The following ARL5C variants were observed in gnomAD, a reference collection of about 807,000 sequenced individuals.
ARL5C encodes putative ADP-ribosylation factor-like protein 5C.
In ARL5C, 21 loss-of-function variants were observed where a neutral mutation model predicts 20.8. The observed-to-expected ratio is 1.01, with a 90% CI of 0.72 to 1.46. ARL5C has a LOEUF of 1.46. ARL5C is among the 40% of genes most tolerant of loss of function. ARL5C has a pLI of 0.00. For synonymous variants in ARL5C, 71 were observed against 81.6 expected (o/e 0.87, Z 0.70); for missense variants, 199 against 225.1 (o/e 0.88, Z 0.74).
rs564110743 is a variant in ARL5C, at chr17:39,164,775, C to T, written c.107+304G>A. On this transcript the variant is annotated intron_variant, in intron 2 of 5. Transcript: ENST00000269586. ...CAGGGGTGAGAAAGGAGGGACCTGC[C>T]GCTAGAGGGAGCGAAGAGCAGGGAG... 5.9e-5 allele frequency among the ~76,000 whole-genome samples: 9 copies of T among 152,184 alleles called. No homozygotes were observed. The East Asian group carries it at 1.5e-3, about 26-fold the overall frequency.
intron 2 of ARL5C, 173 bp downstream of exon 2, chr17:39,164,906 A>T: frequency 1.6e-6 from 1 of 629,212 alleles, no homozygotes; most frequent in Non-Finnish European, 2.8e-6. Flanking sequence ...CAGGATTTGA[A>T]TGCCAGACCG....
At chr17:39,165,229 GC>G in intron 1 of ARL5C, 90 bp from the exon 2 acceptor site, 1 of 1,341,364 alleles carries the variant, frequency 7.5e-7, no homozygotes, top group Non-Finnish European at 1.0e-6. Flanking sequence ...GAAGGAGATA[GC>G]GCTCCCCGCA....
At chr17:39,162,647 T>C in intron 3 of ARL5C, 64 bp downstream of exon 3, 1 of 1,516,454 alleles carries the variant, frequency 6.6e-7, no homozygotes, top group South Asian at 1.2e-5. Context: ...CTCAGAAAGG[T>C]TACATGACAG....
chr17:39,166,056 C>T lies in ARL5C; in HGVS notation c.-296G>A. On this transcript the variant is annotated 5_prime_UTR_variant, in exon 1 of 6. Transcript: ENST00000269586. Reference sequence around the variant, plus strand: ...CGCCCTGCGAAAACTCCTGAGTTCTCCGGGTGGACTGCTCCACTACCGCAA... The same window carrying T: ...CGCCCTGCGAAAACTCCTGAGTTCTTCGGGTGGACTGCTCCACTACCGCAA... 2.2e-6 allele frequency: 1 copy of T among 444,556 alleles called. No homozygotes were observed. Among genetic ancestry groups the T allele is most frequent in the Non-Finnish European group, 4.1e-6 (1 of 242,110 alleles). 27.5% of individuals were successfully genotyped at this position (444,556 alleles called of 1,614,324 possible).
chr17:39,163,354 C>CTTTCTTTCTTTCTTTCTT (rs1567781352), intron 2 of ARL5C, among the ~76,000 whole-genome samples: 4 of 109,632 alleles, frequency 3.6e-5, no homozygotes, highest in Non-Finnish European at 6.7e-5. Flanking sequence ...GCCTTTCTTT[C>CTTTCTTTCTTTCTTTCTT]TTTCTTTCTT....
At chr17:39,161,563 G>C (rs1377125554) in intron 3 of ARL5C, among the ~76,000 whole-genome samples, 1 of 151,344 alleles carries the variant, frequency 6.6e-6, no homozygotes, top group Non-Finnish European at 1.5e-5. Context: ...ATCCAGGCTG[G>C]AGTGCAGTGG....
At chr17:39,158,401 T>C (rs1243714042) in intron 5 of ARL5C, among the ~76,000 whole-genome samples, 1 of 152,060 alleles carries the variant, frequency 6.6e-6, no homozygotes, top group East Asian at 1.9e-4. Flanking sequence ...TCATTTGAGC[T>C]CAGGTGTTTG....
downstream of ARL5C, chr17:39,156,856 A>G (rs142865962): frequency 5.7e-5 from 88 of 1,551,220 alleles, no homozygotes; most frequent in East Asian, 1.8e-3. Flanking sequence ...TTGACCATGC[A>G]AAACCCCAAA....
intron 3 of ARL5C, among the ~76,000 whole-genome samples, chr17:39,162,212 T>C (rs950109837): frequency 2.0e-5 from 3 of 152,244 alleles, no homozygotes; most frequent in Admixed American, 2.0e-4. Context: ...GGCACTGCAC[T>C]GTGTTGAGTA....
chr17:39,161,474 T>C (rs1228418782), intron 3 of ARL5C, 123 bp from the exon 4 acceptor site: 3 of 840,552 alleles, frequency 3.6e-6, no homozygotes, highest in African/African-American at 3.4e-5. Context: ...AATGAAAGCA[T>C]GCAGCCTCAA....
intron 5 of ARL5C, among the ~76,000 whole-genome samples, chr17:39,158,020 C>G (rs1209365008): frequency 1.3e-5 from 2 of 150,666 alleles, no homozygotes; most frequent in East Asian, 4.0e-4. Context: ...ATGGCGTGAA[C>G]CTGGGAGGCA....
At chr17:39,157,789 CAA>C (rs35290590) in intron 5 of ARL5C, among the ~76,000 whole-genome samples, 30 of 110,126 alleles carry the variant, frequency 2.7e-4, no homozygotes, top group Admixed American at 3.0e-4. Flanking sequence ...AAACTCCACT[CAA>C]AAAAAAAAAA....
At chr17:39,158,255 C>T (rs112008266) in intron 5 of ARL5C, among the ~76,000 whole-genome samples, 168 of 152,264 alleles carry the variant, frequency 1.1e-3, no homozygotes, top group Non-Finnish European at 2.0e-3. Flanking sequence ...CAGCGGGTGG[C>T]AAGGACACTG....
At position 39,165,132 on chromosome 17, in the gene ARL5C, C is replaced by T. The variant is rs1366643580; in HGVS notation, c.54G>A (p.Thr18=). 2 of 1,551,456 alleles carry T rather than the reference C, an allele frequency of 1.3e-6. No individual in the cohort carries two copies. The highest frequency in any genetic ancestry group is 1.4e-5 in the African/African-American group (1 of 73,014). ...CATTGTCCAGTCCCACGATGATGAC[C>T]GTGTGCTCTGGAAGCGTCGGAGGAA... is the stretch of plus-strand genomic sequence containing the variant. ...LMSIFGNQEH[T]VIIVGLDNEG... is the part of the protein sequence containing the mutation. Residue 18 remains threonine, a synonymous_variant, in exon 2 of 6, where the codon ACG becomes ACA. Transcript: ENST00000269586.
Position 39,156,897 on chromosome 17 carries a change from G to C in ARL5C, c.537C>G (p.Asn179Lys). 6.4e-7 allele frequency: 1 copy of C among 1,551,892 alleles called. No homozygotes were observed. Among genetic ancestry groups the C allele is most frequent in the Non-Finnish European group, 8.7e-7 (1 of 1,146,990 alleles). ...TGGTTGACCTCAGACTGGAACATCA[G>C]TTAGCAGCGGCCTGAGATTCCATCC... ...LQWMESQAAA[N>K] is the part of the protein sequence containing the mutation. Residue 179 changes from asparagine to lysine, a missense_variant, in exon 6 of 6, where the codon AAC becomes AAG. By Grantham distance (94) the Asn-to-Lys change is moderately conservative. Coordinates refer to ENST00000269586, the MANE Select transcript of ARL5C (RefSeq NM_001143968.1).
At chr17:39,158,101 AAGGGAAGG>A (rs1406177650) in intron 5 of ARL5C, among the ~76,000 whole-genome samples, 2 of 134,680 alleles carry the variant, frequency 1.5e-5, no homozygotes, top group East Asian at 2.6e-4. Flanking sequence ...CCGTCGAAGA[AAGGGAAGG>A]AGGGAGGGAG....
At chr17:39,164,895 G>A (rs963288316) in intron 2 of ARL5C, 184 bp downstream of exon 2, 4 of 614,638 alleles carry the variant, frequency 6.5e-6, no homozygotes, top group Non-Finnish European at 1.1e-5. Context: ...CCTGTACGGT[G>A]CAGGATTTGA....
At chr17:39,161,372 G>A (rs1021731901) in intron 3 of ARL5C, 21 bp from the exon 4 acceptor site, 23 of 1,549,112 alleles carry the variant, frequency 1.5e-5, no homozygotes, top group East Asian at 1.2e-4. Context: ...GAGGGGAGCC[G>A]TGAGAGACAG....
chr17:39,165,641 C>T (rs2045459258), intron 1 of ARL5C, 74 bp downstream of exon 1: 4 of 1,539,198 alleles, frequency 2.6e-6, no homozygotes, highest in South Asian at 1.2e-5. Flanking sequence ...CCCGTGCGTC[C>T]GACCACAGAT....
Sources: allele counts gnomAD v4.1 joint callset (sites outside exome capture counted in the v4.1 genomes callset), GRCh38; gene constraint gnomAD v4.1.1; transcripts MANE v1.5; gene names NCBI Gene and HGNC (gene_info 2026-07-23, HGNC 2026-07-21).